ASIP: variants seen among roughly 807,000 people sequenced by gnomAD.
The protein encoded by ASIP is agouti-signaling protein.
ASIP carries 11 observed loss-of-function variants against 10.3 expected under a neutral mutation model. The ratio of observed to expected loss-of-function variants is 1.07; its 90% CI spans 0.68 to 1.78. ASIP has a LOEUF of 1.78. Ranked by LOEUF, ASIP falls within the 40% of genes most tolerant of loss-of-function variation. The pLI, the probability that ASIP is intolerant of heterozygous loss-of-function variation, is 0.00. For synonymous variants in ASIP, 70 were observed against 70.8 expected, an observed-to-expected ratio of 0.99 and a Z score of 0.06; for missense variants, 180 against 169.2, an observed-to-expected ratio of 1.06 and a Z score of -0.35.
intron 1 of ASIP, among the ~76,000 whole-genome samples, chr20:34,257,211 G>A (rs1323683288): frequency 6.6e-6 from 1 of 151,858 alleles, no homozygotes; most frequent in East Asian, 1.9e-4. Context: ...AGCCTCCTGA[G>A]TAGGTGGATT....
At chr20:34,258,697 T>A (rs528172479) in intron 1 of ASIP, among the ~76,000 whole-genome samples, 7,195 of 13,128 alleles carry the variant, frequency 0.55, 2,707 homozygotes, top group African/African-American at 0.79. Context: ...ATATACATAC[T>A]ATATATATAT....
intron 2 of ASIP, 146 bp downstream of exon 2, chr20:34,260,680 C>A: frequency 1.0e-6 from 1 of 975,200 alleles, no homozygotes; most frequent in Non-Finnish European, 1.5e-6. Flanking sequence ...AATAAGGTGG[C>A]CCTTGACTCA....
Position 34,211,713 on chromosome 20 carries a change from T to C in ASIP, c.-11+16953T>C, listed in dbSNP as rs150659379. Among the ~76,000 whole-genome samples the C allele has an allele frequency of 8.8e-3, 1,334 of 152,356 alleles. 8 individuals carry two copies. The highest frequency in any genetic ancestry group is 0.017 in the Middle Eastern group (5 of 294). On this transcript the variant is annotated intron_variant, in intron 1 of 3. Transcript: ENST00000568305. ...GTTATTTTCTTTCATTTTGAAGATA[T>C]CATTCCATTGTTTTCTGAGTTATGT...
At chr20:34,220,820 T>C (rs2035041480) in intron 1 of ASIP, among the ~76,000 whole-genome samples, 1 of 152,108 alleles carries the variant, frequency 6.6e-6, no homozygotes, top group Non-Finnish European at 1.5e-5. Context: ...GACTCATGAT[T>C]GATGTATTTC....
intron 3 of ASIP, among the ~76,000 whole-genome samples, chr20:34,267,890 T>C (rs1397012138): frequency 6.6e-6 from 1 of 152,118 alleles, no homozygotes; most frequent in African/African-American, 2.4e-5. Context: ...TTTAACCTAG[T>C]GTATTCAAAA....
At chr20:34,209,233 C>G (rs6088428) in intron 1 of ASIP, among the ~76,000 whole-genome samples, 5,441 of 152,324 alleles carry the variant, frequency 0.036, 146 homozygotes, top group Non-Finnish European at 0.05. Flanking sequence ...CAAGTGGGAG[C>G]CCTACCCCTT....
At chr20:34,268,616 G>A (rs2035829625) in intron 3 of ASIP, among the ~76,000 whole-genome samples, 1 of 151,866 alleles carries the variant, frequency 6.6e-6, no homozygotes, top group Non-Finnish European at 1.5e-5. Flanking sequence ...CGCACATGTG[G>A]TCCCAGCTAC....
intron 1 of ASIP, among the ~76,000 whole-genome samples, chr20:34,196,831 G>C (rs1165244435): frequency 6.6e-6 from 1 of 152,186 alleles, no homozygotes; most frequent in Non-Finnish European, 1.5e-5. Flanking sequence ...ACGCCCCTCT[G>C]ATCATCACCA....
chr20:34,261,719 T>A (rs1343793018), intron 2 of ASIP, among the ~76,000 whole-genome samples: 2 of 152,290 alleles, frequency 1.3e-5, no homozygotes, highest in South Asian at 2.1e-4. Context: ...GGAGGATTGC[T>A]TGAGCCCAGG....
intron 1 of ASIP, among the ~76,000 whole-genome samples, chr20:34,225,709 G>C (rs1319758444): frequency 6.6e-6 from 1 of 152,006 alleles, no homozygotes; most frequent in East Asian, 1.9e-4. Flanking sequence ...ATGTCTCTCA[G>C]TAGAGTTTAT....
At position 34,269,258 on chromosome 20, in the gene ASIP, G is replaced by A; in HGVS notation, c.*91G>A. The A allele has an allele frequency of 1.4e-6, 2 of 1,400,538 alleles. No homozygotes were observed. The highest frequency in any genetic ancestry group is 1.9e-6 in the Non-Finnish European group (2 of 1,077,350). The allele number at this position is 1,400,538 out of a possible 1,614,324, so 86.8% of individuals were successfully genotyped here. ...ATCCCTAACAGGGCGGCTTCCCAGG[G>A]CTGCAGGCGGGCGGAGGTTCCAGGA... On this transcript the variant is annotated 3_prime_UTR_variant, in exon 4 of 4. Transcript: ENST00000374954.
chr20:34,209,718 A>T (rs746387272), intron 1 of ASIP, among the ~76,000 whole-genome samples: 46 of 152,198 alleles, frequency 3.0e-4, no homozygotes, highest in Admixed American at 5.2e-4. Context: ...TTGGGGCACC[A>T]ACGAGAATGG....
upstream of ASIP, among the ~76,000 whole-genome samples, chr20:34,236,509 A>AC (rs1262126067): frequency 6.6e-6 from 1 of 151,600 alleles, no homozygotes; most frequent in African/African-American, 2.4e-5. Flanking sequence ...GCACCACTGC[A>AC]CTCCAGCCTG....
At chr20:34,213,918 G>C in intron 1 of ASIP, 2 of 1,578,396 alleles carry the variant, frequency 1.3e-6, no homozygotes, top group South Asian at 2.4e-5. Flanking sequence ...GGTTGAGACA[G>C]TCTGCTAGAG....
upstream of ASIP, among the ~76,000 whole-genome samples, chr20:34,191,276 G>C (rs1471075891): frequency 1.3e-5 from 2 of 152,128 alleles, no homozygotes; most frequent in Non-Finnish European, 2.9e-5. Context: ...ACACATACTG[G>C]GGGGAAGATG....
intron 1 of ASIP, among the ~76,000 whole-genome samples, chr20:34,243,608 A>G (rs932597955): frequency 3.3e-5 from 5 of 152,140 alleles, no homozygotes; most frequent in African/African-American, 7.2e-5. Context: ...GCCAGCACCA[A>G]CAGAATACAT....
At chr20:34,248,385 C>T (rs2122625103) in intron 1 of ASIP, among the ~76,000 whole-genome samples, 1 of 152,272 alleles carries the variant, frequency 6.6e-6, no homozygotes, top group African/African-American at 2.4e-5. Flanking sequence ...TTATAAAAAT[C>T]CCATTACTTA....
the ASIP span, among the ~76,000 whole-genome samples, chr20:34,188,223 C>T: frequency 8.5e-5 from 13 of 152,278 alleles, no homozygotes; most frequent in East Asian, 1.3e-3. Context: ...TACACAAAAT[C>T]GTAAAGGAGG....
chr20:34,236,002 GAA>G (rs747235531), intron 1 of ASIP, among the ~76,000 whole-genome samples: 58 of 119,380 alleles, frequency 4.9e-4, no homozygotes, highest in Non-Finnish European at 8.2e-4. Context: ...GAAGGAAGGA[GAA>G]AGAGAGAAAG....
Sources: allele counts gnomAD v4.1 joint callset (sites outside exome capture counted in the v4.1 genomes callset), GRCh38; gene constraint gnomAD v4.1.1; transcripts MANE v1.5; gene names NCBI Gene and HGNC (gene_info 2026-07-23, HGNC 2026-07-21).